The following CLASRP variants were observed in gnomAD, a reference collection of about 807,000 sequenced individuals.
The protein encoded by CLASRP is CLK4 associating serine/arginine rich protein, also known as CLK4-associating serine/arginine rich protein.
CLASRP carries 52 observed loss-of-function variants against 99.9 expected under a neutral mutation model. That is an observed-to-expected ratio of 0.52 (90% CI 0.42 to 0.66). The LOEUF is 0.66. Among genes scored for constraint, CLASRP ranks in the 30% least tolerant of loss-of-function variants. CLASRP has a pLI of 0.00. For missense variants in CLASRP, 848 were observed against 999.2 expected (o/e 0.85, Z 2.04); for synonymous variants, 379 against 373.0 (o/e 1.02, Z -0.18).
Position 45,067,346 on chromosome 19 carries a change from C to G in CLASRP, c.1419C>G (p.Ser473=), listed in dbSNP as rs1967109075. 2.0e-6 allele frequency: 3 copies of G among 1,515,914 alleles called. No homozygotes were observed. The African/African-American group carries it at 4.1e-5, about 21-fold the overall frequency. The allele number at this position is 1,515,914 out of a possible 1,614,324, so 93.9% of individuals were successfully genotyped here. The change falls in exon 14 of 21, where the codon TCC becomes TCG. Residue 473 remains serine (S), a synonymous_variant. Coordinates refer to ENST00000221455, the MANE Select transcript of CLASRP (RefSeq NM_007056.3). This position sits in a 1 kb window ranked among gnomAD's most constrained non-coding sequence, Gnocchi z 4.9. ...YGPRRRSRSR[S]HSGDRYRRGG... is the part of the protein sequence containing the mutation. ...CCTGCTGCATCCCCAGGAGCCGCTC[C>G]CACTCAGGGGACCGCTACAGGCGGG...
intron 2 of CLASRP, among the ~76,000 whole-genome samples, chr19:45,048,307 C>G (rs1265590047): frequency 6.7e-6 from 1 of 149,298 alleles, no homozygotes; most frequent in Non-Finnish European, 1.5e-5. Context: ...GAGGCCGAGG[C>G]GGGTGGATCA....
chr19:45,068,319 C>T (rs535292300), intron 15 of CLASRP, 101 bp from the exon 16 acceptor site: 9 of 636,974 alleles, frequency 1.4e-5, no homozygotes, highest in African/African-American at 1.0e-4. Flanking sequence ...TCTCCCCCCC[C>T]CACCCCCCCC....
At chr19:45,066,623 A>G (rs866969470) in intron 13 of CLASRP, among the ~76,000 whole-genome samples, 1 of 118,944 alleles carries the variant, frequency 8.4e-6, no homozygotes, top group Non-Finnish European at 1.7e-5. Flanking sequence ...AGACTGTCTC[A>G]AAAAAAAAAA....
intron 2 of CLASRP, among the ~76,000 whole-genome samples, chr19:45,051,188 C>T (rs1187600861): frequency 2.6e-5 from 4 of 152,060 alleles, no homozygotes; most frequent in Admixed American, 6.6e-5. Flanking sequence ...TCTAAATGAA[C>T]GGCCCGGAGG....
At chr19:45,068,320 C>CA (rs1491539022) in intron 15 of CLASRP, 100 bp from the exon 16 acceptor site, 2 of 623,004 alleles carry the variant, frequency 3.2e-6, no homozygotes, top group Non-Finnish European at 5.8e-6. Context: ...CTCCCCCCCC[C>CA]ACCCCCCCCC....
chr19:45,069,378 C>T (rs908180375), intron 18 of CLASRP, 130 bp downstream of exon 18: 2 of 919,704 alleles, frequency 2.2e-6, no homozygotes, highest in Non-Finnish European at 3.4e-6. Flanking sequence ...CCTGCCTGGC[C>T]CTCGGGGCTG....
At position 45,064,538 on chromosome 19, in the gene CLASRP, C is replaced by T; in HGVS notation, c.1317C>T (p.Gly439=). Residue 439 remains glycine, a synonymous_variant, in exon 13 of 21, where the codon GGC becomes GGT. Transcript: ENST00000221455. ...GCTATTCCCGGTCCCGTAGCCGTGGCCGGCGGCACTCAGGTGGGGGCTCCC... is the reference window on the plus strand; with the variant it reads ...GCTATTCCCGGTCCCGTAGCCGTGGTCGGCGGCACTCAGGTGGGGGCTCCC... ...SRRYSRSRSR[G]RRHSGGGSRD... 6.5e-7 allele frequency: 1 copy of T among 1,538,042 alleles called. No individual in the cohort carries two copies. The highest frequency in any genetic ancestry group is 8.7e-7 in the Non-Finnish European group (1 of 1,146,326).
chr19:45,064,166 G>T lies in CLASRP; in HGVS notation c.1060G>T (p.Gly354Trp). ...CGCAGCAGCATCAGGAGTCACCACA[G>T]GGAAGCCCCCCGCACCTCCCCAGCC... ...AAAAASGVTTGKPPAPPQPGG... is the reference protein window; with the variant it reads ...AAAAASGVTTWKPPAPPQPGG... The change falls in exon 12 of 21, where the codon GGG becomes TGG. Residue 354 changes from glycine to tryptophan, a missense_variant. This residue lies in a region of CLASRP where 489 missense variants were observed against 434.7 expected (regional missense o/e 1.12). Coordinates refer to ENST00000221455, the MANE Select transcript of CLASRP (RefSeq NM_007056.3). 6.2e-7 allele frequency: 1 copy of T among 1,610,936 alleles called. No homozygotes were observed. Among genetic ancestry groups the T allele is most frequent in the African/African-American group, 1.3e-5 (1 of 75,026 alleles).
In CLASRP at chr19:45,067,735, A is replaced by T; in HGVS notation, c.1667+141A>T. 4 of 807,928 alleles carry T rather than the reference A, an allele frequency of 5.0e-6. No individual in the cohort carries two copies. The highest frequency in any genetic ancestry group is 7.6e-6 in the Non-Finnish European group (4 of 523,036). The allele number at this position is 807,928 out of a possible 1,614,324, so 50.0% of individuals were successfully genotyped here. ...GTATGGCCCTGGCCTGGGAGGGTGG[A>T]TTTCAGGGGGACACAGCCCTGGCCT... On this transcript the variant is annotated intron_variant, in intron 14 of 20. Transcript: ENST00000221455. This position sits in a 1 kb window ranked among gnomAD's most constrained non-coding sequence, Gnocchi z 4.9.
intron 2 of CLASRP, among the ~76,000 whole-genome samples, chr19:45,051,697 G>A (rs895586047): frequency 4.6e-5 from 7 of 152,098 alleles, no homozygotes; most frequent in East Asian, 1.9e-4. Flanking sequence ...GGCCGGGCGC[G>A]GTGACTCATG....
At chr19:45,046,313 C>T (rs1971915526) in intron 2 of CLASRP, among the ~76,000 whole-genome samples, 1 of 152,236 alleles carries the variant, frequency 6.6e-6, no homozygotes, top group Non-Finnish European at 1.5e-5. Flanking sequence ...TCCCTGTCTT[C>T]AGTCCCAAGC....
intron 20 of CLASRP, 115 bp from the exon 21 acceptor site, chr19:45,070,688 T>C (rs1249624788): frequency 2.3e-6 from 3 of 1,303,276 alleles, no homozygotes; most frequent in Non-Finnish European, 3.3e-6. Flanking sequence ...TCTCATCCCT[T>C]GGGGAACATC....
rs114624830 is a variant in CLASRP, at chr19:45,055,147, G to T, written c.380-1303G>T. ...AACACCTGCGGTGTGGCAATGGTAG[G>T]GGAGAGGGCAGCAGCTCCATAATCA... On this transcript the variant is annotated intron_variant, in intron 5 of 20. Coordinates refer to ENST00000221455, the MANE Select transcript of CLASRP (RefSeq NM_007056.3). Among the ~76,000 whole-genome samples, 614 of 152,318 alleles carry T rather than the reference G, an allele frequency of 4.0e-3. 12 individuals are homozygous for T. Among genetic ancestry groups the T allele is most frequent in the African/African-American group, 0.014 (593 of 41,572 alleles).
rs764869704 is a variant in CLASRP at position 45,064,263 on chromosome 19, G to C, written c.1121+36G>C. The C allele has an allele frequency of 3.9e-6, 6 of 1,544,044 alleles. No homozygotes were observed. In the South Asian group the frequency reaches 4.8e-5, roughly 12 times the overall value. Reference sequence around the variant, plus strand: ...CTCACGCCGCCCGCCCTACGCCCCGGTCACCATGGGGGGTACCCGGGGCAG... The same window carrying C: ...CTCACGCCGCCCGCCCTACGCCCCGCTCACCATGGGGGGTACCCGGGGCAG... On this transcript the variant is annotated intron_variant, in intron 12 of 20. Transcript: ENST00000221455.
intron 5 of CLASRP, among the ~76,000 whole-genome samples, chr19:45,055,129 G>A (rs903264939): frequency 6.6e-6 from 1 of 152,182 alleles, no homozygotes; most frequent in African/African-American, 2.4e-5. Flanking sequence ...TTGAACACCT[G>A]CGGTGTGGCA....
At chr19:45,059,205 C>T (rs1408654468) in intron 7 of CLASRP, 63 bp from the exon 8 acceptor site, 1 of 1,405,514 alleles carries the variant, frequency 7.1e-7, no homozygotes, top group East Asian at 2.4e-5. Flanking sequence ...TCCTGGAGCA[C>T]TGCCCCTTCT....
intron 13 of CLASRP, among the ~76,000 whole-genome samples, chr19:45,065,393 A>AG (rs1967061776): frequency 7.0e-6 from 1 of 142,040 alleles, no homozygotes. Context: ...CGTCTCAAAA[A>AG]AAAAAAAAAA....
chr19:45,054,321 C>T (rs1033291644), intron 5 of CLASRP, among the ~76,000 whole-genome samples: 7 of 152,206 alleles, frequency 4.6e-5, no homozygotes, highest in Non-Finnish European at 1.0e-4. Flanking sequence ...GCAATCTCAG[C>T]TCACTGCAAC....
chr19:45,049,017 A>G (rs550932833), intron 2 of CLASRP, among the ~76,000 whole-genome samples: 25 of 152,340 alleles, frequency 1.6e-4, no homozygotes, highest in African/African-American at 4.3e-4. Context: ...TGTTTCTTCC[A>G]TGGTTGGGAC....
Sources: gnomAD v4.1 joint callset for allele counts (sites outside exome capture counted in the v4.1 genomes callset) on GRCh38, gnomAD v4.1.1 for gene constraint, gnomAD v4.1.1 regional missense constraint, Gnocchi (gnomAD v3.1) non-coding constraint, MANE v1.5 for transcripts, NCBI Gene and HGNC (gene_info 2026-07-23, HGNC 2026-07-21) for gene names.